The following TMEM117 variants were observed in gnomAD, a reference collection of about 807,000 sequenced individuals.
TMEM117 encodes the protein transmembrane protein 117.
A neutral mutation model predicts 52.4 loss-of-function variants in TMEM117; 27 were observed. The ratio of observed to expected loss-of-function variants is 0.51; its 90% CI spans 0.38 to 0.71. The LOEUF (loss-of-function observed/expected upper bound fraction) is 0.71, where lower values mean the gene tolerates loss of function less well. TMEM117 is among the 30% of genes least tolerant of loss of function. The pLI is 0.00. For missense variants in TMEM117, 556 were observed against 630.5 expected (o/e 0.88, Z 1.26); for synonymous variants, 215 against 206.3 (o/e 1.04, Z -0.36).
chr12:44,250,585 A>G (rs1309271180), intron 5 of TMEM117, among the ~76,000 whole-genome samples: 1 of 152,154 alleles, frequency 6.6e-6, no homozygotes, highest in Admixed American at 6.6e-5. Context: ...CTTGGAACCA[A>G]CCCAAATGCC....
At chr12:43,996,415 G>A (rs1435281225) in intron 3 of TMEM117, among the ~76,000 whole-genome samples, 1 of 152,086 alleles carries the variant, frequency 6.6e-6, no homozygotes, top group Non-Finnish European at 1.5e-5. Flanking sequence ...AGGCCGAGGT[G>A]GGCAGATCAC....
At chr12:44,134,164 A>G (rs1395611411) in intron 3 of TMEM117, among the ~76,000 whole-genome samples, 1 of 152,162 alleles carries the variant, frequency 6.6e-6, no homozygotes, top group Non-Finnish European at 1.5e-5. Context: ...TGACACACTC[A>G]CCGTTTGTCC....
chr12:44,294,617 T>G (rs1950745161), intron 5 of TMEM117, among the ~76,000 whole-genome samples: 2 of 152,218 alleles, frequency 1.3e-5, no homozygotes, highest in Admixed American at 1.3e-4. Context: ...TGGCTTCTCT[T>G]TGGCATATCC....
chr12:43,808,741 T>C, the TMEM117 span, among the ~76,000 whole-genome samples: 1 of 139,738 alleles, frequency 7.2e-6, no homozygotes, highest in Non-Finnish European at 1.5e-5. Flanking sequence ...GTCCAGGAGG[T>C]AGAGGCTGCA....
At chr12:44,382,297 G>T (rs1439867189) in intron 7 of TMEM117, among the ~76,000 whole-genome samples, 2 of 152,088 alleles carry the variant, frequency 1.3e-5, no homozygotes, top group African/African-American at 4.8e-5. Context: ...CCAGAGGAAG[G>T]ACTCGAAATA....
intron 5 of TMEM117, among the ~76,000 whole-genome samples, chr12:44,228,588 C>T (rs747677711): frequency 6.6e-6 from 1 of 152,040 alleles, no homozygotes; most frequent in Non-Finnish European, 1.5e-5. Context: ...TCTGAAGAGA[C>T]CACTTCAAAT....
chr12:43,973,808 A>G (rs1042311872), intron 3 of TMEM117, among the ~76,000 whole-genome samples: 14 of 152,226 alleles, frequency 9.2e-5, no homozygotes, highest in African/African-American at 3.1e-4. Flanking sequence ...ACTGTCAAGG[A>G]AGCCACATGT....
intron 4 of TMEM117, among the ~76,000 whole-genome samples, chr12:44,195,892 A>G (rs1413087591): frequency 2.8e-4 from 9 of 32,498 alleles, no homozygotes; most frequent in African/African-American, 1.1e-3. Flanking sequence ...TGTCTCTAAA[A>G]TAAATAAATA....
intron 6 of TMEM117, among the ~76,000 whole-genome samples, chr12:44,322,262 T>C (rs1951141156): frequency 6.6e-6 from 1 of 152,178 alleles, no homozygotes. Context: ...CTCTGAGACA[T>C]ATTCTTTTGA....
chr12:43,985,269 A>G (rs947070631), intron 3 of TMEM117, among the ~76,000 whole-genome samples: 1 of 152,194 alleles, frequency 6.6e-6, no homozygotes, highest in Non-Finnish European at 1.5e-5. Context: ...GAAAAACAGC[A>G]GGATCCTGCC....
intron 5 of TMEM117, among the ~76,000 whole-genome samples, chr12:44,235,637 T>C (rs73272298): frequency 0.019 from 2,885 of 151,880 alleles, 80 homozygotes; most frequent in African/African-American, 0.066. Context: ...TCTTCCAGTT[T>C]GCTTTCTTTT....
chr12:44,375,130 A>G lies in TMEM117; in HGVS notation c.769-1465A>G, dbSNP rs964469673. On this transcript the variant is annotated intron_variant, in intron 6 of 7. Coordinates refer to ENST00000266534, the MANE Select transcript of TMEM117 (RefSeq NM_032256.3). ...CACGTTAACCTCAGCAATAGTTCAC[A>G]TGTGTTATCACCGATGCATCTTCTG... 7.2e-5 allele frequency among the ~76,000 whole-genome samples: 11 copies of G among 152,308 alleles called. No homozygotes were observed. In the South Asian group the frequency reaches 2.1e-3, roughly 29 times the overall value.
chr12:44,269,282 C>A (rs1950418172), intron 5 of TMEM117, among the ~76,000 whole-genome samples: 1 of 152,016 alleles, frequency 6.6e-6, no homozygotes, highest in South Asian at 2.1e-4. Flanking sequence ...ACACTACCAC[C>A]CCAATCCACA....
chr12:44,185,397 C>A (rs1949263292), intron 4 of TMEM117, among the ~76,000 whole-genome samples: 1 of 152,084 alleles, frequency 6.6e-6, no homozygotes, highest in African/African-American at 2.4e-5. Context: ...CAATTTCAAA[C>A]CTTTGTCCTC....
chr12:43,954,431 T>C (rs902255692), intron 3 of TMEM117, among the ~76,000 whole-genome samples: 1 of 150,544 alleles, frequency 6.6e-6, no homozygotes, highest in Non-Finnish European at 1.5e-5. Context: ...AAGAGAAGAC[T>C]CAAATAAACA....
At chr12:44,339,103 G>C (rs76817860) in intron 6 of TMEM117, among the ~76,000 whole-genome samples, 1 of 151,926 alleles carries the variant, frequency 6.6e-6, no homozygotes, top group East Asian at 1.9e-4. Context: ...ACAAAACTAG[G>C]CATTAAACAC....
At chr12:44,096,063 T>C (rs1379876812) in intron 3 of TMEM117, among the ~76,000 whole-genome samples, 3 of 152,164 alleles carry the variant, frequency 2.0e-5, no homozygotes, top group African/African-American at 7.2e-5. Flanking sequence ...AGCATTCTTA[T>C]ATACCAATAA....
At chr12:44,353,414 G>T (rs1385253942) in intron 6 of TMEM117, among the ~76,000 whole-genome samples, 1 of 152,068 alleles carries the variant, frequency 6.6e-6, no homozygotes, top group Non-Finnish European at 1.5e-5. Context: ...TTCTTGTAGG[G>T]TTTTTATGGT....
At chr12:44,020,678 C>T (rs1946442393) in intron 3 of TMEM117, among the ~76,000 whole-genome samples, 1 of 152,114 alleles carries the variant, frequency 6.6e-6, no homozygotes, top group Admixed American at 6.6e-5. Flanking sequence ...TTCAATGATT[C>T]CATAAACATT....
Sources: gnomAD v4.1 joint callset for allele counts (sites outside exome capture counted in the v4.1 genomes callset) on GRCh38, gnomAD v4.1.1 for gene constraint, MANE v1.5 for transcripts, NCBI Gene and HGNC (gene_info 2026-07-23, HGNC 2026-07-21) for gene names.